Variants in GABRA3 observed in about 807,000 individuals in gnomAD.
GABRA3 encodes the protein gamma-aminobutyric acid type A receptor subunit alpha3, also known as gamma-aminobutyric acid receptor subunit alpha-3.
In GABRA3, 10 loss-of-function variants were observed where a neutral mutation model predicts 30.1. The observed-to-expected ratio is 0.33, with a 90% CI of 0.20 to 0.56. GABRA3 has a LOEUF of 0.56. GABRA3 is among the 20% of genes least tolerant of loss of function. The probability of loss-of-function intolerance (pLI) is 0.89; values close to 1 mark genes in which losing one functional copy is unlikely to be tolerated. For missense variants in GABRA3, 233 were observed against 392.0 expected, an observed-to-expected ratio of 0.59 and a Z score of 3.42; for synonymous variants, 151 against 146.8, an observed-to-expected ratio of 1.03 and a Z score of -0.21.
chrX:152,256,058 C>A (rs919946339), intron 4 of GABRA3, 60 bp from the exon 5 acceptor site: 37 of 852,394 alleles, frequency 4.3e-5, no homozygotes, highest in Non-Finnish European at 6.1e-5. Flanking sequence ...GCTCATAGTG[C>A]CCTTAGCAAA....
intron 2 of GABRA3, among the ~76,000 whole-genome samples, chrX:152,351,836 C>A (rs1940483005): frequency 9.0e-6 from 1 of 110,783 alleles, no homozygotes; most frequent in Non-Finnish European, 1.9e-5. Context: ...CACTTAGAGG[C>A]TATATAGGGC....
At chrX:152,408,600 T>C (rs1490745754) in intron 1 of GABRA3, among the ~76,000 whole-genome samples, 1 of 111,598 alleles carries the variant, frequency 9.0e-6, no homozygotes, top group Non-Finnish European at 1.9e-5. Flanking sequence ...TCACGGATTT[T>C]AGAAGAATCA....
chrX:152,383,945 T>C lies in GABRA3; in HGVS notation c.-26-19349A>G, dbSNP rs765474159. Among the ~76,000 whole-genome samples the C allele has an allele frequency of 2.9e-4, 26 of 90,025 alleles. No individual in the cohort carries two copies. The South Asian group carries it at 0.015, about 51-fold the overall frequency. 78.2% of individuals were successfully genotyped at this position (90,025 alleles called of 115,157 possible). On this transcript the variant is annotated intron_variant, in intron 1 of 9. Transcript: ENST00000370314. ...CTGGTTACTGATGACATGATTTTTA[T>C]ATGTGGAAAACCCTACAGACTCCAC...
intron 9 of GABRA3, among the ~76,000 whole-genome samples, chrX:152,175,409 C>G (rs1037360012): frequency 9.0e-6 from 1 of 111,084 alleles, no homozygotes; most frequent in Non-Finnish European, 1.9e-5. Context: ...ATATTTTCTG[C>G]GTCTACAATG....
At position 152,182,544 on chromosome X, in the gene GABRA3, G is replaced by A. The variant is rs748725068; in HGVS notation, c.1143+7186C>T. On this transcript the variant is annotated intron_variant, in intron 9 of 9. Coordinates refer to ENST00000370314, the MANE Select transcript of GABRA3 (RefSeq NM_000808.4). Reference sequence around the variant, plus strand: ...TACACACTATATATGCATATATAGTGTATATATACACTATATATATACTAT... The same window carrying A: ...TACACACTATATATGCATATATAGTATATATATACACTATATATATACTAT... 1.9e-3 allele frequency among the ~76,000 whole-genome samples: 145 copies of A among 76,249 alleles called. 1 individual carries two copies. Among genetic ancestry groups the A allele is most frequent in the South Asian group, 5.2e-3 (8 of 1,526 alleles). 66.2% of individuals were successfully genotyped at this position (76,249 alleles called of 115,157 possible).
intron 5 of GABRA3, among the ~76,000 whole-genome samples, chrX:152,236,410 T>C (rs1938214465): frequency 1.0e-5 from 1 of 99,574 alleles, no homozygotes; most frequent in Non-Finnish European, 2.0e-5. Context: ...GACGTTTGGG[T>C]TGGTTCCAAG....
intron 5 of GABRA3, among the ~76,000 whole-genome samples, chrX:152,245,080 T>A (rs779046937): frequency 9.3e-6 from 1 of 107,808 alleles, no homozygotes; most frequent in African/African-American, 3.4e-5. Flanking sequence ...AGTGAGGCTA[T>A]CACTGTGTTT....
rs533029937 is a variant in GABRA3, at chrX:152,434,207, G to A, written c.-27+16939C>T. ...GGAAGTCAGACCCACCTTTAATCTA[G>A]TGGGCACAATCTAATCAGCTGCCAA... On this transcript the variant is annotated intron_variant, in intron 1 of 9. Coordinates refer to ENST00000370314, the MANE Select transcript of GABRA3 (RefSeq NM_000808.4). 4.6e-4 allele frequency among the ~76,000 whole-genome samples: 51 copies of A among 110,924 alleles called. No individual in the cohort carries two copies. The Middle Eastern group carries it at 0.019, about 40-fold the overall frequency.
intron 1 of GABRA3, among the ~76,000 whole-genome samples, chrX:152,371,444 CAT>C (rs1402831940): frequency 9.0e-6 from 1 of 111,204 alleles, no homozygotes; most frequent in Non-Finnish European, 1.9e-5. Flanking sequence ...AGCACCCCCA[CAT>C]GTGTCCTGGA....
chrX:152,268,273 A>T (rs1216918131), intron 4 of GABRA3, among the ~76,000 whole-genome samples: 1 of 111,794 alleles, frequency 8.9e-6, no homozygotes, highest in Non-Finnish European at 1.9e-5. Flanking sequence ...AATTGTAATA[A>T]TTCCATGTCA....
chrX:152,356,633 T>C (rs1940553884), intron 2 of GABRA3, among the ~76,000 whole-genome samples: 1 of 111,479 alleles, frequency 9.0e-6, no homozygotes, highest in African/African-American at 3.3e-5. Flanking sequence ...CATGTGCAGG[T>C]TTGTTATGTA....
In GABRA3 at chrX:152,215,054, A is replaced by AT. The variant is rs1286452956; in HGVS notation, c.635-6911dup. Among the ~76,000 whole-genome samples, 132 of 100,604 alleles carry AT rather than the reference A, an allele frequency of 1.3e-3. 1 individual carries two copies. The highest frequency in any genetic ancestry group is 4.1e-3 in the African/African-American group (113 of 27,520). The allele number at this position is 100,604 out of a possible 115,157, so 87.4% of individuals were successfully genotyped here. On this transcript the variant is annotated intron_variant, in intron 6 of 9. Coordinates refer to ENST00000370314, the MANE Select transcript of GABRA3 (RefSeq NM_000808.4). ...TGTGTATGGATATATATATATATAT[A>AT]TTTTTTTATATGATTATGTCATCTG... is the stretch of plus-strand genomic sequence containing the variant.
intron 5 of GABRA3, among the ~76,000 whole-genome samples, chrX:152,255,418 T>A (rs749510332): frequency 4.0e-4 from 45 of 112,070 alleles, no homozygotes; most frequent in Non-Finnish European, 7.0e-4. Flanking sequence ...ATTCTAATTA[T>A]CAGCGTTCAT....
intron 5 of GABRA3, among the ~76,000 whole-genome samples, chrX:152,249,501 T>C (rs962567361): frequency 9.0e-6 from 1 of 111,467 alleles, no homozygotes; most frequent in Non-Finnish European, 1.9e-5. Context: ...TTGAGTATTA[T>C]GGCAGCTTCT....
At chrX:152,210,338 T>A (rs748657300) in intron 6 of GABRA3, among the ~76,000 whole-genome samples, 7 of 112,077 alleles carry the variant, frequency 6.2e-5, no homozygotes, top group Non-Finnish European at 1.1e-4. Context: ...CTTAATTTTT[T>A]AAAAAAATTG....
intron 4 of GABRA3, among the ~76,000 whole-genome samples, chrX:152,271,992 G>C (rs1368037580): frequency 2.7e-5 from 3 of 112,065 alleles, no homozygotes; most frequent in Non-Finnish European, 5.6e-5. Context: ...GGATGTCCAG[G>C]CAGAAGTTTG....
chrX:152,169,999 C>T (rs1167657558), intron 9 of GABRA3, among the ~76,000 whole-genome samples: 1 of 111,625 alleles, frequency 9.0e-6, no homozygotes, highest in Non-Finnish European at 1.9e-5. Flanking sequence ...TAACTTTTGC[C>T]CAATATTTAC....
chrX:152,431,220 A>G (rs947431355), intron 1 of GABRA3, among the ~76,000 whole-genome samples: 2 of 112,201 alleles, frequency 1.8e-5, no homozygotes, highest in African/African-American at 6.5e-5. Context: ...CAGGAAGGAA[A>G]TCTAAGGATA....
intron 3 of GABRA3, among the ~76,000 whole-genome samples, chrX:152,335,939 T>C (rs1400730816): frequency 9.0e-6 from 1 of 111,495 alleles, no homozygotes; most frequent in Non-Finnish European, 1.9e-5. Flanking sequence ...CAGGTTGCTC[T>C]TAAACTCCTA....
Sources: allele counts gnomAD v4.1 joint callset (sites outside exome capture counted in the v4.1 genomes callset), GRCh38; gene constraint gnomAD v4.1.1; transcripts MANE v1.5; gene names NCBI Gene and HGNC (gene_info 2026-07-23, HGNC 2026-07-21).